Variants in RORA observed in about 807,000 individuals in gnomAD.
RORA encodes nuclear receptor ROR-alpha.
Under a neutral mutation model 69.5 loss-of-function variants are expected in RORA, and 7 were observed. That is an observed-to-expected ratio of 0.10 (90% confidence interval 0.06 to 0.19). The LOEUF is 0.19. Ranked by LOEUF, RORA falls within the 10% of genes least tolerant of loss-of-function variation. RORA has a pLI of 1.00. For synonymous variants in RORA, 261 were observed against 240.8 expected (o/e 1.08, Z -0.78); for missense variants, 457 against 663.0 (o/e 0.69, Z 3.41).
intron 1 of RORA, among the ~76,000 whole-genome samples, chr15:60,723,582 A>T (rs1009067872): frequency 3.3e-5 from 5 of 152,218 alleles, no homozygotes; most frequent in African/African-American, 4.8e-5. Flanking sequence ...GATTATCTGC[A>T]AATAATCCTC....
chr15:60,599,223 T>C lies in RORA; in HGVS notation c.197-67372A>G, dbSNP rs184752243. Among the ~76,000 whole-genome samples the C allele has an allele frequency of 5.6e-4, 85 of 152,150 alleles. 1 individual carries two copies. The highest frequency in any genetic ancestry group is 6.8e-3 in the Middle Eastern group (2 of 294). On this transcript the variant is annotated intron_variant, in intron 2 of 10. Transcript: ENST00000335670. ...ACATCTTGGTGGATAGAAGTAAAAATGAAGAGCCTCTTAGAAGGACGATAG... is the reference window on the plus strand; with the variant it reads ...ACATCTTGGTGGATAGAAGTAAAAACGAAGAGCCTCTTAGAAGGACGATAG...
intron 1 of RORA, among the ~76,000 whole-genome samples, chr15:61,125,330 G>A (rs767834592): frequency 1.1e-4 from 17 of 152,222 alleles, no homozygotes; most frequent in Non-Finnish European, 2.2e-4. Flanking sequence ...ATCTCAGGTA[G>A]AAAGGTGTTA....
rs146032289 is a variant in RORA at position 60,644,988 on chromosome 15, G to T, written c.196+33669C>A. 1.6e-3 allele frequency among the ~76,000 whole-genome samples: 238 copies of T among 152,308 alleles called. 1 individual carries two copies. The East Asian group carries it at 0.017, about 11-fold the overall frequency. On this transcript the variant is annotated intron_variant, in intron 2 of 10. Coordinates refer to ENST00000335670, the MANE Select transcript of RORA (RefSeq NM_134261.3). ...TCCTCAAAGTACTATTTCGTTAACT[G>T]AGTCATCTATAGAATAAATAATATT...
chr15:60,632,457 G>A (rs1005295837), intron 2 of RORA, among the ~76,000 whole-genome samples: 2 of 152,060 alleles, frequency 1.3e-5, no homozygotes, highest in African/African-American at 4.8e-5. Context: ...GTGTAGGTTG[G>A]CCCGAGAAAA....
Position 61,163,472 on chromosome 15 carries a change from A to C in RORA, c.166+65581T>G, listed in dbSNP as rs1295521107. Among the ~76,000 whole-genome samples, 4 of 152,236 alleles carry C rather than the reference A, an allele frequency of 2.6e-5. 1 individual carries two copies. The highest frequency in any genetic ancestry group is 1.5e-5 in the Non-Finnish European group (1 of 68,032). ...CATGTATAAGGTTCTGGAATCTGAC[A>C]AATTAGACAAAGCAAGAAAACACCA... On this transcript the variant is annotated intron_variant, in intron 1 of 10. Transcript: ENST00000335670.
chr15:61,211,121 A>G (rs1327702002), intron 1 of RORA, among the ~76,000 whole-genome samples: 1 of 152,190 alleles, frequency 6.6e-6, no homozygotes, highest in Non-Finnish European at 1.5e-5. Context: ...AACAGCCCAA[A>G]GAAAGGCTCT....
intron 1 of RORA, among the ~76,000 whole-genome samples, chr15:61,039,681 G>C (rs975626433): frequency 6.8e-6 from 1 of 146,564 alleles, no homozygotes; most frequent in Non-Finnish European, 1.5e-5. Context: ...GGAGGTGGAC[G>C]TTACAGTGAG....
intron 1 of RORA, among the ~76,000 whole-genome samples, chr15:60,835,940 G>C (rs1298466032): frequency 6.6e-6 from 1 of 152,080 alleles, no homozygotes; most frequent in Non-Finnish European, 1.5e-5. Flanking sequence ...ATTTGTTTTT[G>C]TCTGCAAAAC....
At chr15:60,660,105 C>T (rs538919232) in intron 2 of RORA, among the ~76,000 whole-genome samples, 27 of 152,268 alleles carry the variant, frequency 1.8e-4, no homozygotes, top group African/African-American at 6.3e-4. Flanking sequence ...CTTGAATTAG[C>T]ATCTAAACAA....
intron 2 of RORA, among the ~76,000 whole-genome samples, chr15:60,651,483 C>T (rs531210631): frequency 2.6e-5 from 4 of 152,114 alleles, no homozygotes; most frequent in South Asian, 4.1e-4. Flanking sequence ...AGTTTCCTGC[C>T]GAAGCTGAAC....
At chr15:60,832,750 A>G (rs1407997786) in intron 1 of RORA, among the ~76,000 whole-genome samples, 1 of 152,160 alleles carries the variant, frequency 6.6e-6, no homozygotes, top group Non-Finnish European at 1.5e-5. Context: ...ATCATCTGTC[A>G]CATTTTGTTG....
intron 1 of RORA, among the ~76,000 whole-genome samples, chr15:60,732,970 G>C (rs1242779410): frequency 6.6e-6 from 1 of 152,140 alleles, no homozygotes; most frequent in Non-Finnish European, 1.5e-5. Context: ...CTCCGTCTTT[G>C]AAAGGGACAC....
At chr15:60,880,774 C>T (rs992975968) in intron 1 of RORA, among the ~76,000 whole-genome samples, 3 of 152,164 alleles carry the variant, frequency 2.0e-5, no homozygotes, top group African/African-American at 7.2e-5. Context: ...CAGCAACAGA[C>T]TGGTTTTTAT....
chr15:60,740,243 C>T (rs1469226003), intron 1 of RORA, among the ~76,000 whole-genome samples: 1 of 151,978 alleles, frequency 6.6e-6, no homozygotes, highest in East Asian at 1.9e-4. Flanking sequence ...GTGTGGGCTA[C>T]CCAGTTCGTT....
At chr15:60,602,164 G>A (rs1206674317) in intron 2 of RORA, among the ~76,000 whole-genome samples, 2 of 152,122 alleles carry the variant, frequency 1.3e-5, no homozygotes, top group Admixed American at 6.5e-5. Flanking sequence ...TATAACAGAG[G>A]TAATGTAGCA....
chr15:61,105,041 T>C (rs1182143684), intron 1 of RORA, among the ~76,000 whole-genome samples: 1 of 129,238 alleles, frequency 7.7e-6, no homozygotes, highest in Non-Finnish European at 1.6e-5. Context: ...CCATTAAACC[T>C]CTTTTTCTTT....
chr15:60,615,649 C>G (rs7175851), intron 2 of RORA, among the ~76,000 whole-genome samples: 19,781 of 152,230 alleles, frequency 0.13, 1,477 homozygotes, highest in African/African-American at 0.2. Context: ...CCCTGCCAGC[C>G]TAGCTCATAA....
rs1233710694 is a variant in RORA, at chr15:60,518,027, C to CT, written c.283-3271dup. 2.0e-5 allele frequency among the ~76,000 whole-genome samples: 3 copies of CT among 152,238 alleles called. No individual in the cohort carries two copies. In the East Asian group the frequency reaches 5.8e-4, roughly 29 times the overall value. On this transcript the variant is annotated intron_variant, in intron 3 of 10. Coordinates refer to ENST00000335670, the MANE Select transcript of RORA (RefSeq NM_134261.3). ...ATCCTTTCCAATTTCTTCACTACTT[C>CT]TTTTTTTCTTTTTTAAAACTGAGGC...
chr15:60,678,564 C>A, intron 2 of RORA, 93 bp downstream of exon 2: 1 of 961,568 alleles, frequency 1.0e-6, no homozygotes. Flanking sequence ...ACAGCTGAAA[C>A]ATTAGTATAT....
Sources: gnomAD v4.1 joint callset for allele counts (sites outside exome capture counted in the v4.1 genomes callset) on GRCh38, gnomAD v4.1.1 for gene constraint, MANE v1.5 for transcripts, NCBI Gene and HGNC (gene_info 2026-07-23, HGNC 2026-07-21) for gene names.